SPAG17: variants seen among roughly 807,000 people sequenced by gnomAD.
The protein encoded by SPAG17 is sperm associated antigen 17.
In SPAG17, 169 loss-of-function variants were observed where a neutral mutation model predicts 273.6. The ratio of observed to expected loss-of-function variants is 0.62; its 90% confidence interval spans 0.55 to 0.70. The LOEUF (loss-of-function observed/expected upper bound fraction) is 0.70, where lower values mean the gene tolerates loss of function less well. Ranked by LOEUF, SPAG17 falls within the 30% of genes least tolerant of loss-of-function variation. SPAG17 has a pLI of 0.00. For synonymous variants in SPAG17, 825 were observed against 873.2 expected (o/e 0.94, Z 0.97); for missense variants, 2,557 against 2,627.8 (o/e 0.97, Z 0.59).
chr1:117,999,153 A>T (rs1657992583), intron 32 of SPAG17, among the ~76,000 whole-genome samples: 2 of 152,182 alleles, frequency 1.3e-5, no homozygotes, highest in Non-Finnish European at 2.9e-5. Context: ...TCCAAAGGAC[A>T]TTAACTAATC....
chr1:118,013,642 C>A (rs1444617999), intron 29 of SPAG17, among the ~76,000 whole-genome samples: 1 of 151,932 alleles, frequency 6.6e-6, no homozygotes, highest in African/African-American at 2.4e-5. Context: ...TGGTAAAGTG[C>A]GTCACACTTG....
intron 1 of SPAG17, among the ~76,000 whole-genome samples, chr1:118,153,816 G>A (rs1224982529): frequency 6.6e-6 from 1 of 152,034 alleles, no homozygotes; most frequent in Non-Finnish European, 1.5e-5. Flanking sequence ...CTGCACTCCA[G>A]CCTGGGTGAC....
intron 1 of SPAG17, among the ~76,000 whole-genome samples, chr1:118,184,177 C>T (rs1661072187): frequency 6.6e-6 from 1 of 152,144 alleles, no homozygotes; most frequent in Admixed American, 6.5e-5. Context: ...AGTACTGACT[C>T]TCTAGTGCAC....
At chr1:118,117,831 G>C (rs976468948) in intron 3 of SPAG17, among the ~76,000 whole-genome samples, 4 of 152,228 alleles carry the variant, frequency 2.6e-5, no homozygotes, top group Non-Finnish European at 5.9e-5. Flanking sequence ...CTCTGAAAAG[G>C]CTTGACTCTC....
chr1:117,987,877 T>G lies in SPAG17; in HGVS notation c.5626A>C (p.Thr1876Pro), dbSNP rs200338065. 186 of 1,611,178 alleles carry G rather than the reference T, an allele frequency of 1.2e-4. 1 individual carries two copies. In the Middle Eastern group the frequency reaches 1.3e-3, roughly 11 times the overall value. Residue 1876 changes from threonine to proline, a missense_variant, in exon 40 of 49, where the codon ACA becomes CCA. Transcript: ENST00000336338. Reference sequence around the variant, plus strand: ...TCTTTCCAGCGTTTTGAGGATGCTGTGTGTCTATGTGAAAGGAAAGGAAAG... The same window carrying G: ...TCTTTCCAGCGTTTTGAGGATGCTGGGTGTCTATGTGAAAGGAAAGGAAAG... ...KDFFEKTWRH[T>P]ASSKRWKEKI...
At chr1:118,117,717 A>G (rs1316507659) in intron 3 of SPAG17, among the ~76,000 whole-genome samples, 1 of 152,218 alleles carries the variant, frequency 6.6e-6, no homozygotes, top group Non-Finnish European at 1.5e-5. Flanking sequence ...GGCGGCCCAC[A>G]TGGAGGCAGA....
intron 29 of SPAG17, among the ~76,000 whole-genome samples, chr1:118,014,565 G>A (rs1659779453): frequency 6.6e-6 from 1 of 152,150 alleles, no homozygotes; most frequent in Non-Finnish European, 1.5e-5. Flanking sequence ...AAGGCAACTA[G>A]CAAACAAAGT....
At chr1:118,004,078 T>G (rs1172989915) in intron 32 of SPAG17, among the ~76,000 whole-genome samples, 1 of 152,234 alleles carries the variant, frequency 6.6e-6, no homozygotes, top group African/African-American at 2.4e-5. Context: ...GTCCTTCAGC[T>G]GCAGGTCTGT....
intron 1 of SPAG17, among the ~76,000 whole-genome samples, chr1:118,153,050 A>G (rs1040290033): frequency 2.0e-5 from 3 of 152,178 alleles, no homozygotes; most frequent in Non-Finnish European, 4.4e-5. Context: ...CCAATATTTG[A>G]AAGTTAATGG....
chr1:118,158,244 G>C (rs1659749514), intron 1 of SPAG17, among the ~76,000 whole-genome samples: 1 of 152,150 alleles, frequency 6.6e-6, no homozygotes, highest in South Asian at 2.1e-4. Context: ...TGTGCCCTGT[G>C]CAAGTCTGCC....
chr1:118,119,690 C>A lies in SPAG17; in HGVS notation c.316-4249G>T, dbSNP rs574399409. On this transcript the variant is annotated intron_variant, in intron 3 of 48. Transcript: ENST00000336338. ...TAGAGCTTGACTCAATTTAGGCTAG[C>A]ACAAGGCTGGGCAAACAGGCTTTCA... is the stretch of plus-strand genomic sequence containing the variant. Among the ~76,000 whole-genome samples the A allele has an allele frequency of 1.1e-4, 16 of 152,268 alleles. No individual in the cohort carries two copies. In the South Asian group the frequency reaches 3.3e-3, roughly 32 times the overall value.
At chr1:118,123,648 G>T (rs534903625) in intron 3 of SPAG17, among the ~76,000 whole-genome samples, 1 of 152,256 alleles carries the variant, frequency 6.6e-6, no homozygotes, top group Non-Finnish European at 1.5e-5. Context: ...AATTAAACTG[G>T]TATCCATCTC....
chr1:117,959,401 A>G (rs763008067), intron 48 of SPAG17: 8 of 1,613,820 alleles, frequency 5.0e-6, no homozygotes, highest in Non-Finnish European at 6.8e-6. Context: ...GAAGAGAAGA[A>G]GAGGAAGAGG....
Position 118,087,141 on chromosome 1 carries a change from A to G in SPAG17, c.1360-133T>C, listed in dbSNP as rs150360130. ...GGACCCAAGTACCACTGATGACACA[A>G]AATGGCAGGAAACTATCAGTGATCA... is the stretch of plus-strand genomic sequence containing the variant. On this transcript the variant is annotated intron_variant, in intron 10 of 48. Transcript: ENST00000336338. 4.2e-4 allele frequency: 382 copies of G among 913,602 alleles called. 2 individuals are homozygous for G. The East Asian group carries it at 9.9e-3, about 24-fold the overall frequency. 56.6% of individuals were successfully genotyped at this position (913,602 alleles called of 1,614,324 possible). A position where few individuals can be genotyped will look rare whatever the true frequency, so the allele number is the denominator to read the frequency against.
intron 30 of SPAG17, among the ~76,000 whole-genome samples, chr1:118,009,076 C>T (rs145690423): frequency 6.6e-6 from 1 of 151,938 alleles, no homozygotes. Flanking sequence ...ATATGATATG[C>T]ATGATTTTGT....
chr1:117,958,357 T>G (rs1304972089), intron 48 of SPAG17, among the ~76,000 whole-genome samples: 1 of 152,336 alleles, frequency 6.6e-6, no homozygotes, highest in Admixed American at 6.5e-5. Context: ...TTTTTTTTAC[T>G]GCTATGGTAT....
chr1:117,996,867 T>C, intron 32 of SPAG17, 124 bp from the exon 33 acceptor site: 1 of 973,114 alleles, frequency 1.0e-6, no homozygotes. Context: ...GATGTTTATT[T>C]GCAAGGTATT....
intron 1 of SPAG17, among the ~76,000 whole-genome samples, chr1:118,162,659 G>A (rs980947570): frequency 6.6e-6 from 1 of 151,996 alleles, no homozygotes; most frequent in African/African-American, 2.4e-5. Context: ...TTACTACGTG[G>A]GTACCTACGT....
chr1:118,047,881 G>A (rs1357021623), intron 20 of SPAG17, among the ~76,000 whole-genome samples: 3 of 152,190 alleles, frequency 2.0e-5, no homozygotes, highest in African/African-American at 7.2e-5. Context: ...CCAGGTTTCA[G>A]ACCAGCCCGA....
Sources: allele counts gnomAD v4.1 joint callset (sites outside exome capture counted in the v4.1 genomes callset), GRCh38; gene constraint gnomAD v4.1.1; transcripts MANE v1.5; gene names NCBI Gene and HGNC (gene_info 2026-07-23, HGNC 2026-07-21).